Variants in C1QTNF7 observed in about 807,000 individuals in gnomAD.
C1QTNF7 encodes complement C1q tumor necrosis factor-related protein 7.
Under a neutral mutation model 19.6 loss-of-function variants are expected in C1QTNF7, and 15 were observed. The observed-to-expected ratio is 0.76, with a 90% confidence interval of 0.51 to 1.18. C1QTNF7 has a LOEUF of 1.18. Ranked by LOEUF, C1QTNF7 falls within the 50% of genes most tolerant of loss-of-function variation. The probability of loss-of-function intolerance (pLI) is 0.00; values close to 1 mark genes in which losing one functional copy is unlikely to be tolerated. For synonymous variants in C1QTNF7, 142 were observed against 137.5 expected, an observed-to-expected ratio of 1.03 and a Z score of -0.23; for missense variants, 324 against 359.7, an observed-to-expected ratio of 0.90 and a Z score of 0.80.
chr4:15,363,474 T>A (rs1461603402), intron 1 of C1QTNF7, among the ~76,000 whole-genome samples: 1 of 152,152 alleles, frequency 6.6e-6, no homozygotes, highest in Non-Finnish European at 1.5e-5. Flanking sequence ...GCATTCTGGA[T>A]CAATAGCAAA....
chr4:15,358,787 C>T (rs955159897), intron 1 of C1QTNF7: 9 of 152,280 alleles, frequency 5.9e-5, no homozygotes, highest in East Asian at 1.9e-4. Flanking sequence ...CCTCCTAAAA[C>T]GTGCAGAGGA....
chr4:15,437,681 A>T lies in C1QTNF7; in HGVS notation c.238+1700A>T, dbSNP rs57788004. 5.8e-3 allele frequency among the ~76,000 whole-genome samples: 885 copies of T among 152,296 alleles called. 11 individuals carry two copies. Among genetic ancestry groups the T allele is most frequent in the African/African-American group, 0.02 (835 of 41,564 alleles). On this transcript the variant is annotated intron_variant, in intron 2 of 2. Transcript: ENST00000444304. ...TCATCCATGCATCCAGGCATTATTC[A>T]TTCAATAATATTTCTGTGCACCTAT...
At chr4:15,375,506 A>C (rs1717905955) in intron 1 of C1QTNF7, among the ~76,000 whole-genome samples, 1 of 152,222 alleles carries the variant, frequency 6.6e-6, no homozygotes, top group African/African-American at 2.4e-5. Context: ...ACTGGGGTAC[A>C]TTTCTTTTAT....
chr4:15,430,112 C>T (rs1232131307), intron 1 of C1QTNF7, among the ~76,000 whole-genome samples: 2 of 152,148 alleles, frequency 1.3e-5, no homozygotes, highest in Non-Finnish European at 2.9e-5. Flanking sequence ...ATACTATATA[C>T]AACATTTCTG....
At chr4:15,370,701 G>A (rs4076789) in intron 1 of C1QTNF7, among the ~76,000 whole-genome samples, 33,477 of 152,126 alleles carry the variant, frequency 0.22, 4,375 homozygotes, top group East Asian at 0.29. Context: ...TTTATAAATA[G>A]TTCCATTTCC....
chr4:15,356,943 GTTT>G (rs199653260), intron 1 of C1QTNF7, among the ~76,000 whole-genome samples: 4 of 126,790 alleles, frequency 3.2e-5, no homozygotes, highest in African/African-American at 1.2e-4. Context: ...TGATAAAGTT[GTTT>G]TTTTTTTTTT....
At chr4:15,415,593 T>C (rs1280789736) in intron 1 of C1QTNF7, among the ~76,000 whole-genome samples, 1 of 150,224 alleles carries the variant, frequency 6.7e-6, no homozygotes, top group African/African-American at 2.4e-5. Flanking sequence ...ATTTTGGTAT[T>C]GGGCCTTCTC....
chr4:15,423,794 C>A (rs535667184), upstream of C1QTNF7, among the ~76,000 whole-genome samples: 1 of 152,302 alleles, frequency 6.6e-6, no homozygotes, highest in Non-Finnish European at 1.5e-5. Context: ...TGTTTTCCTG[C>A]CCTTCTGCCA....
At chr4:15,383,501 T>C (rs1560349902) in intron 1 of C1QTNF7, among the ~76,000 whole-genome samples, 2 of 152,198 alleles carry the variant, frequency 1.3e-5, no homozygotes, top group African/African-American at 2.4e-5. Flanking sequence ...AAACAATTTA[T>C]ATCCTCCATT....
At chr4:15,356,267 C>A (rs369371112) in intron 1 of C1QTNF7, among the ~76,000 whole-genome samples, 1 of 152,146 alleles carries the variant, frequency 6.6e-6, no homozygotes, top group Admixed American at 6.5e-5. Flanking sequence ...AACCCCCTGA[C>A]GGGCCCAGGT....
Position 15,403,693 on chromosome 4 carries a change from G to A in C1QTNF7, c.14-32043G>A, listed in dbSNP as rs77530419. Among the ~76,000 whole-genome samples, 716 of 152,216 alleles carry A rather than the reference G, an allele frequency of 4.7e-3. 8 individuals carry two copies. Among genetic ancestry groups the A allele is most frequent in the African/African-American group, 0.016 (672 of 41,524 alleles). ...ATTTCAAATTAAGTTTGCATTCACA[G>A]GTTTGGGGTAGACACGTCTTTGAGG... is the stretch of plus-strand genomic sequence containing the variant. On this transcript the variant is annotated intron_variant, in intron 1 of 2. Coordinates refer to the C1QTNF7 transcript ENST00000295297.
At chr4:15,413,924 A>C (rs1169789115) in intron 1 of C1QTNF7, among the ~76,000 whole-genome samples, 1 of 152,206 alleles carries the variant, frequency 6.6e-6, no homozygotes, top group African/African-American at 2.4e-5. Flanking sequence ...AGAGTCAAAG[A>C]AACAGTATTT....
chr4:15,426,384 G>A (rs989302929), upstream of C1QTNF7, among the ~76,000 whole-genome samples: 1 of 152,102 alleles, frequency 6.6e-6, no homozygotes, highest in Non-Finnish European at 1.5e-5. Flanking sequence ...CACTCTCAGA[G>A]ACATTTTCAA....
intron 1 of C1QTNF7, among the ~76,000 whole-genome samples, chr4:15,420,575 C>A (rs1248949701): frequency 6.6e-6 from 1 of 152,186 alleles, no homozygotes; most frequent in Non-Finnish European, 1.5e-5. Context: ...CTTCATCAAA[C>A]TTTATAACAA....
intron 1 of C1QTNF7, among the ~76,000 whole-genome samples, chr4:15,396,908 G>A (rs529502172): frequency 7.2e-5 from 11 of 152,238 alleles, no homozygotes; most frequent in Admixed American, 2.6e-4. Context: ...CTGTTTTCAC[G>A]CTGCTAATAA....
intron 1 of C1QTNF7, among the ~76,000 whole-genome samples, chr4:15,362,699 T>C (rs558201373): frequency 1.3e-5 from 2 of 152,322 alleles, no homozygotes; most frequent in African/African-American, 2.4e-5. Flanking sequence ...TGACAGAGCA[T>C]TTACAGCCCA....
Position 15,348,465 on chromosome 4 carries a change from G to C in C1QTNF7, c.13+8258G>C, listed in dbSNP as rs374773563. ...CATGCCTTTGCTAACATTCCTCAGA[G>C]ATATGTTATCAGCAAGACATTAGTG... On this transcript the variant is annotated intron_variant, in intron 1 of 2. Transcript: ENST00000295297. 1.0e-3 allele frequency among the ~76,000 whole-genome samples: 155 copies of C among 152,264 alleles called. No individual in the cohort carries two copies. The South Asian group carries it at 0.018, about 18-fold the overall frequency.
At chr4:15,350,165 G>A (rs1432420913) in intron 1 of C1QTNF7, among the ~76,000 whole-genome samples, 4 of 95,808 alleles carry the variant, frequency 4.2e-5, no homozygotes, top group African/African-American at 8.3e-5. Context: ...AAGGGAGGGA[G>A]GGAGCGAAGG....
At chr4:15,397,371 C>G (rs1162327465) in intron 1 of C1QTNF7, among the ~76,000 whole-genome samples, 1 of 152,232 alleles carries the variant, frequency 6.6e-6, no homozygotes, top group Non-Finnish European at 1.5e-5. Flanking sequence ...GACTCTATAG[C>G]TACTCGCCTG....
Sources: allele counts gnomAD v4.1 joint callset (sites outside exome capture counted in the v4.1 genomes callset), GRCh38; gene constraint gnomAD v4.1.1; transcripts MANE v1.5; gene names NCBI Gene and HGNC (gene_info 2026-07-23, HGNC 2026-07-21).